PTPRZ1: variants seen among roughly 807,000 people sequenced by gnomAD.
PTPRZ1 encodes receptor-type tyrosine-protein phosphatase zeta.
PTPRZ1 carries 82 observed loss-of-function variants against 214.1 expected under a neutral mutation model. That is an observed-to-expected ratio of 0.38 (90% CI 0.32 to 0.46). PTPRZ1 has a LOEUF of 0.46. PTPRZ1 is among the 20% of genes least tolerant of loss of function. The pLI is 1.00. For synonymous variants in PTPRZ1, 945 were observed against 987.9 expected, an observed-to-expected ratio of 0.96 and a Z score of 0.81; for missense variants, 2,603 against 2,748.7, an observed-to-expected ratio of 0.95 and a Z score of 1.19.
At chr7:121,919,218 T>C (rs974019756) in intron 1 of PTPRZ1, among the ~76,000 whole-genome samples, 7 of 152,078 alleles carry the variant, frequency 4.6e-5, no homozygotes, top group Non-Finnish European at 7.4e-5. Flanking sequence ...AATAAACCTT[T>C]GACAACTGGT....
chr7:121,937,322 A>G (rs1796115015), intron 2 of PTPRZ1, among the ~76,000 whole-genome samples: 1 of 152,110 alleles, frequency 6.6e-6, no homozygotes. Context: ...CCCCTGAGAG[A>G]CAGGAGACAG....
chr7:121,880,849 T>A (rs1794217029), intron 1 of PTPRZ1, among the ~76,000 whole-genome samples: 1 of 152,194 alleles, frequency 6.6e-6, no homozygotes, highest in Non-Finnish European at 1.5e-5. Context: ...TACACAGAGT[T>A]GTGCAAAATC....
intron 9 of PTPRZ1, among the ~76,000 whole-genome samples, chr7:121,997,488 A>G (rs1798178876): frequency 6.6e-6 from 1 of 152,156 alleles, no homozygotes; most frequent in African/African-American, 2.4e-5. Flanking sequence ...TCTTGCATAT[A>G]TATTGTCAAG....
In PTPRZ1 at chr7:122,060,481, A is replaced by G. The variant is rs547737648; in HGVS notation, c.6807+593A>G. Among the ~76,000 whole-genome samples the G allele has an allele frequency of 1.7e-4, 26 of 152,308 alleles. No individual in the cohort carries two copies. The South Asian group carries it at 5.4e-3, about 32-fold the overall frequency. The stretch of plus-strand genomic sequence containing the variant: ...CTCTCCCCAAACTGCCTGAGATGGC[A>G]TCTGTAAGAGAAAAACTGTTTCATG... On this transcript the variant is annotated intron_variant, in intron 29 of 29. Coordinates refer to ENST00000393386, the MANE Select transcript of PTPRZ1 (RefSeq NM_002851.3).
At chr7:121,981,082 G>C (rs142949027) in intron 6 of PTPRZ1, among the ~76,000 whole-genome samples, 1 of 151,636 alleles carries the variant, frequency 6.6e-6, no homozygotes, top group African/African-American at 2.4e-5. Flanking sequence ...GGCGGAGCCT[G>C]CAGTGAGCCG....
chr7:121,990,543 A>AGAG (rs1491242889), intron 8 of PTPRZ1, among the ~76,000 whole-genome samples: 1 of 118,334 alleles, frequency 8.5e-6, no homozygotes, highest in Non-Finnish European at 1.7e-5. Context: ...TTTTTTTGAC[A>AGAG]GAGTCTCTCT....
intron 2 of PTPRZ1, among the ~76,000 whole-genome samples, chr7:121,956,508 A>G (rs1216277708): frequency 6.6e-6 from 1 of 152,214 alleles, no homozygotes; most frequent in Non-Finnish European, 1.5e-5. Context: ...ACTTTTCACA[A>G]CCGACCCTGA....
Position 122,011,588 on chromosome 7 carries a change from G to A in PTPRZ1, c.2542G>A (p.Ala848Thr), listed in dbSNP as rs781456732. The A allele has an allele frequency of 2.6e-5, 42 of 1,613,996 alleles. No homozygotes were observed. The highest frequency in any genetic ancestry group is 3.6e-5 in the Non-Finnish European group (42 of 1,179,988). ...VSQILPQVTS[A>T]TESDKVPLHA... ...TCAAATCCTTCCACAAGTTACTTCA[G>A]CTACCGAGAGTGATAAGGTGCCCTT... Residue 848 changes from alanine to threonine, a missense_variant, in exon 12 of 30, where the codon GCT becomes ACT. Transcript: ENST00000393386.
At chr7:121,876,598 T>C (rs1794069135) in intron 1 of PTPRZ1, among the ~76,000 whole-genome samples, 1 of 152,234 alleles carries the variant, frequency 6.6e-6, no homozygotes, top group African/African-American at 2.4e-5. Context: ...ATTTATCCTC[T>C]GAAAACAAAT....
intron 8 of PTPRZ1, among the ~76,000 whole-genome samples, 185 bp from the exon 9 acceptor site, chr7:121,996,192 AGAGTT>A (rs1378476003): frequency 6.6e-6 from 1 of 152,222 alleles, no homozygotes; most frequent in East Asian, 1.9e-4. Flanking sequence ...TTGAACAGAT[AGAGTT>A]AAGAGGGGTG....
chr7:122,052,213 A>G (rs1792207954), intron 25 of PTPRZ1, among the ~76,000 whole-genome samples: 1 of 152,154 alleles, frequency 6.6e-6, no homozygotes, highest in Non-Finnish European at 1.5e-5. Context: ...TAAAACTTAT[A>G]CCTGCTTATC....
intron 25 of PTPRZ1, among the ~76,000 whole-genome samples, chr7:122,053,543 C>T (rs1339614529): frequency 1.3e-5 from 2 of 152,170 alleles, no homozygotes; most frequent in African/African-American, 4.8e-5. Context: ...ACATAAAAAT[C>T]ATAAACATTC....
chr7:122,039,450 G>A lies in PTPRZ1; in HGVS notation c.5503-4G>A. Reference sequence around the variant, plus strand: ...AGAAGTAACATCTACATTTTCTTTTGCAGAGAAAATGTGATCAGTACTGGC... The same window carrying A: ...AGAAGTAACATCTACATTTTCTTTTACAGAGAAAATGTGATCAGTACTGGC... On this transcript the variant is annotated splice_polypyrimidine_tract_variant and splice_region_variant and intron_variant, in intron 19 of 29. Transcript: ENST00000393386. The A allele has an allele frequency of 6.2e-7, 1 of 1,605,406 alleles. No individual in the cohort carries two copies. The highest frequency in any genetic ancestry group is 8.5e-7 in the Non-Finnish European group (1 of 1,177,962).
intron 2 of PTPRZ1, among the ~76,000 whole-genome samples, chr7:121,953,469 T>C (rs1046308929): frequency 1.8e-4 from 27 of 152,344 alleles, no homozygotes; most frequent in Admixed American, 1.6e-3. Context: ...TTATTATTAT[T>C]CAGCTATGTA....
Position 121,928,113 on chromosome 7 carries a change from A to G in PTPRZ1, c.59-43A>G, listed in dbSNP as rs766866606. ...TTGGGCATCTTTTATTTTTGGACAT[A>G]TATTTTTCTACATACTGATTACTTG... On this transcript the variant is annotated intron_variant, in intron 1 of 29. Transcript: ENST00000393386. 3.6e-6 allele frequency: 5 copies of G among 1,401,256 alleles called. No individual in the cohort carries two copies. The South Asian group carries it at 4.8e-5, about 13-fold the overall frequency. The allele number at this position is 1,401,256 out of a possible 1,614,324, so 86.8% of individuals were successfully genotyped here.
chr7:121,978,031 T>C (rs1482860434), intron 6 of PTPRZ1, among the ~76,000 whole-genome samples: 2 of 152,206 alleles, frequency 1.3e-5, no homozygotes, highest in Non-Finnish European at 2.9e-5. Flanking sequence ...GCCTCTTTAC[T>C]TTCCCAGGTA....
intron 4 of PTPRZ1, among the ~76,000 whole-genome samples, chr7:121,975,910 G>A (rs1424797854): frequency 6.6e-6 from 1 of 152,062 alleles, no homozygotes; most frequent in East Asian, 1.9e-4. Context: ...AGCAGTTAAA[G>A]TAATATATGA....
chr7:121,913,128 G>A (rs1795325883), intron 1 of PTPRZ1, among the ~76,000 whole-genome samples: 1 of 152,126 alleles, frequency 6.6e-6, no homozygotes. Context: ...TTATAATTGT[G>A]AGAAAGACCG....
At chr7:121,899,781 T>G (rs755843932) in intron 1 of PTPRZ1, among the ~76,000 whole-genome samples, 2 of 152,172 alleles carry the variant, frequency 1.3e-5, no homozygotes, top group Non-Finnish European at 2.9e-5. Context: ...TTACATGGTG[T>G]TCACGTATTC....
Sources: gnomAD v4.1 joint callset for allele counts (sites outside exome capture counted in the v4.1 genomes callset) on GRCh38, gnomAD v4.1.1 for gene constraint, MANE v1.5 for transcripts, NCBI Gene and HGNC (gene_info 2026-07-23, HGNC 2026-07-21) for gene names.